Variants in CNTN4 observed in about 807,000 individuals in gnomAD.
CNTN4 encodes contactin-4.
CNTN4 carries 77 observed loss-of-function variants against 122.5 expected under a neutral mutation model. That is an observed-to-expected ratio of 0.63 (90% CI 0.52 to 0.76). The LOEUF (loss-of-function observed/expected upper bound fraction) is 0.76. Among genes scored for constraint, CNTN4 ranks in the 30% least tolerant of loss-of-function variants. The probability of loss-of-function intolerance (pLI) is 0.00; values close to 1 mark genes in which losing one functional copy is unlikely to be tolerated. For synonymous variants in CNTN4, 512 were observed against 447.0 expected (o/e 1.15, Z -1.83); for missense variants, 1,256 against 1,259.1 (o/e 1.00, Z 0.04).
rs1460426585 is a variant in CNTN4 at position 2,983,870 on chromosome 3, G to A, written c.1359-4475G>A. 3.3e-5 allele frequency among the ~76,000 whole-genome samples: 5 copies of A among 152,066 alleles called. 1 individual carries two copies. Among genetic ancestry groups the A allele is most frequent in the South Asian group, 4.1e-4 (2 of 4,822 alleles). Reference sequence around the variant, plus strand: ...CATTTGGATAATAGTAAGAATAAGCGGTCACAGCAATATGTTGTGATTTAA... The same window carrying A: ...CATTTGGATAATAGTAAGAATAAGCAGTCACAGCAATATGTTGTGATTTAA... On this transcript the variant is annotated intron_variant, in intron 13 of 24. Coordinates refer to ENST00000418658, the MANE Select transcript of CNTN4 (RefSeq NM_175607.3).
At chr3:2,585,015 TG>T (rs2149598080) in intron 4 of CNTN4, among the ~76,000 whole-genome samples, 1 of 152,272 alleles carries the variant, frequency 6.6e-6, no homozygotes, top group East Asian at 1.9e-4. Context: ...TGTTGATATT[TG>T]AACTAGATAA....
intron 3 of CNTN4, among the ~76,000 whole-genome samples, chr3:2,360,363 C>T (rs1281088184): frequency 6.6e-6 from 1 of 151,868 alleles, no homozygotes; most frequent in Non-Finnish European, 1.5e-5. Flanking sequence ...CCTTTTGCTC[C>T]CCCCACCCCT....
chr3:2,746,179 T>G (rs2089760725), intron 6 of CNTN4, among the ~76,000 whole-genome samples: 1 of 81,640 alleles, frequency 1.2e-5, no homozygotes, highest in Admixed American at 1.4e-4. Context: ...ATAAGAGAAA[T>G]ACTTTAACGA....
At chr3:2,384,888 A>G (rs1482403275) in intron 3 of CNTN4, among the ~76,000 whole-genome samples, 2 of 151,180 alleles carry the variant, frequency 1.3e-5, no homozygotes, top group Non-Finnish European at 2.9e-5. Context: ...CTTTTTTGTT[A>G]GTGCACTGCC....
At chr3:2,517,464 C>G (rs1261942084) in intron 3 of CNTN4, among the ~76,000 whole-genome samples, 3 of 152,146 alleles carry the variant, frequency 2.0e-5, no homozygotes, top group African/African-American at 7.2e-5. Context: ...TGTGAGAAGA[C>G]TGAGTTTGAG....
chr3:2,998,853 G>A (rs2125378020), intron 14 of CNTN4, among the ~76,000 whole-genome samples: 1 of 152,280 alleles, frequency 6.6e-6, no homozygotes, highest in East Asian at 1.9e-4. Context: ...TTCATGAACT[G>A]TAGCTAAGTG....
chr3:2,185,623 A>G (rs1344977846), intron 2 of CNTN4, among the ~76,000 whole-genome samples: 1 of 152,150 alleles, frequency 6.6e-6, no homozygotes, highest in Non-Finnish European at 1.5e-5. Context: ...CAGTTGTACA[A>G]TCATGAGCCC....
intron 3 of CNTN4, among the ~76,000 whole-genome samples, chr3:2,529,446 T>G (rs770279627): frequency 2.7e-4 from 41 of 152,312 alleles, no homozygotes; most frequent in Non-Finnish European, 5.1e-4. Flanking sequence ...AATACTGATT[T>G]ACTTTCCTTC....
chr3:2,507,042 C>T (rs562382117), intron 3 of CNTN4, among the ~76,000 whole-genome samples: 17 of 152,274 alleles, frequency 1.1e-4, no homozygotes, highest in African/African-American at 4.1e-4. Flanking sequence ...TTTGTGAAAG[C>T]ATACTGAAAC....
chr3:2,791,302 C>A (rs534517691), intron 6 of CNTN4, among the ~76,000 whole-genome samples: 1 of 152,082 alleles, frequency 6.6e-6, no homozygotes, highest in Non-Finnish European at 1.5e-5. Flanking sequence ...GAAGCCAAGG[C>A]GGGCTGATCA....
intron 13 of CNTN4, among the ~76,000 whole-genome samples, chr3:2,951,262 G>A (rs1402586430): frequency 2.6e-5 from 4 of 152,174 alleles, no homozygotes; most frequent in Non-Finnish European, 5.9e-5. Context: ...GGCGGGTGGG[G>A]TGGGAGGTGG....
At chr3:2,594,012 G>A (rs1287332186) in intron 4 of CNTN4, among the ~76,000 whole-genome samples, 1 of 152,208 alleles carries the variant, frequency 6.6e-6, no homozygotes, top group East Asian at 1.9e-4. Flanking sequence ...TTCCAAATAT[G>A]TAGTACCTTG....
At chr3:2,330,439 T>A (rs2043671266) in intron 2 of CNTN4, among the ~76,000 whole-genome samples, 1 of 152,172 alleles carries the variant, frequency 6.6e-6, no homozygotes, top group African/African-American at 2.4e-5. Flanking sequence ...TTAGGAGTCT[T>A]GGGCCACCAG....
intron 4 of CNTN4, among the ~76,000 whole-genome samples, chr3:2,620,239 C>T (rs141032618): frequency 5.4e-4 from 82 of 152,286 alleles, no homozygotes; most frequent in African/African-American, 1.6e-3. Flanking sequence ...GGGGCTCACA[C>T]CTGTAATCTC....
chr3:2,250,952 A>G lies in CNTN4; in HGVS notation c.-144-88226A>G, dbSNP rs368118139. On this transcript the variant is annotated intron_variant, in intron 2 of 24. Transcript: ENST00000418658. ...GGAATAATTAGTAAAGACACCTGCA[A>G]ATTTTATGCATAAGTCTGAGTAAGA... Among the ~76,000 whole-genome samples, 6 of 151,996 alleles carry G rather than the reference A, an allele frequency of 3.9e-5. No individual in the cohort carries two copies. In the East Asian group the frequency reaches 1.2e-3, roughly 29 times the overall value.
At chr3:2,567,589 T>G (rs779720769) in intron 3 of CNTN4, among the ~76,000 whole-genome samples, 9 of 152,172 alleles carry the variant, frequency 5.9e-5, no homozygotes, top group Non-Finnish European at 8.8e-5. Flanking sequence ...ATCCTTACCA[T>G]AAGTTTGGCA....
intron 3 of CNTN4, among the ~76,000 whole-genome samples, chr3:2,356,937 C>T (rs2044898687): frequency 6.6e-6 from 1 of 152,168 alleles, no homozygotes; most frequent in African/African-American, 2.4e-5. Flanking sequence ...TAAAGACTAG[C>T]ACTAGACATT....
At chr3:2,893,141 C>G (rs1047474822) in intron 10 of CNTN4, among the ~76,000 whole-genome samples, 2 of 152,176 alleles carry the variant, frequency 1.3e-5, no homozygotes, top group Non-Finnish European at 1.5e-5. Flanking sequence ...TCCAAAAAAA[C>G]CCTTTTTTTC....
intron 3 of CNTN4, among the ~76,000 whole-genome samples, chr3:2,444,813 G>T (rs533573456): frequency 3.3e-5 from 5 of 151,988 alleles, no homozygotes; most frequent in African/African-American, 1.2e-4. Context: ...TACTTATGTG[G>T]TTTTATTAAA....
Sources: allele counts gnomAD v4.1 joint callset (sites outside exome capture counted in the v4.1 genomes callset), GRCh38; gene constraint gnomAD v4.1.1; transcripts MANE v1.5; gene names NCBI Gene and HGNC (gene_info 2026-07-23, HGNC 2026-07-21).